HDAC4: variants seen among roughly 807,000 people sequenced by gnomAD.
The protein encoded by HDAC4 is histone deacetylase A.
A neutral mutation model predicts 135.1 loss-of-function variants in HDAC4; 16 were observed. The observed-to-expected ratio is 0.12, with a 90% CI of 0.08 to 0.18. HDAC4 has a LOEUF of 0.18. HDAC4 is among the 10% of genes least tolerant of loss of function. The pLI is 1.00. For synonymous variants in HDAC4, 685 were observed against 653.4 expected (o/e 1.05, Z -0.74); for missense variants, 1,143 against 1,511.8 (o/e 0.76, Z 4.05).
At chr2:239,346,454 T>C (rs1428047398) in intron 2 of HDAC4, among the ~76,000 whole-genome samples, 5 of 146,970 alleles carry the variant, frequency 3.4e-5, no homozygotes, top group African/African-American at 1.3e-4. Context: ...ATACATACCT[T>C]AACACACATC....
intron 24 of HDAC4, among the ~76,000 whole-genome samples, chr2:239,061,054 A>G (rs143909920): frequency 3.0e-4 from 45 of 152,402 alleles, no homozygotes; most frequent in African/African-American, 9.1e-4. Flanking sequence ...CAAGCGGGAC[A>G]CACGACGTGG....
At chr2:239,357,580 C>T (rs1693576330) in intron 1 of HDAC4, among the ~76,000 whole-genome samples, 1 of 151,516 alleles carries the variant, frequency 6.6e-6, no homozygotes, top group Admixed American at 6.6e-5. Context: ...CAAAGATTAA[C>T]AATATCGAGA....
chr2:239,168,657 A>T (rs1294857553), intron 5 of HDAC4, among the ~76,000 whole-genome samples: 1 of 152,110 alleles, frequency 6.6e-6, no homozygotes, highest in African/African-American at 2.4e-5. Flanking sequence ...CCGGCCCGCC[A>T]CTGCTCCTCC....
intron 1 of HDAC4, among the ~76,000 whole-genome samples, chr2:239,397,717 A>C (rs1243254022): frequency 6.6e-6 from 1 of 152,194 alleles, no homozygotes; most frequent in Non-Finnish European, 1.5e-5. Context: ...AAGAAAACTG[A>C]CCGTATGAAG....
intron 3 of HDAC4, among the ~76,000 whole-genome samples, chr2:239,223,925 G>A (rs369658599): frequency 1.3e-5 from 2 of 151,226 alleles, no homozygotes; most frequent in Non-Finnish European, 2.9e-5. Context: ...TCCACTGCCC[G>A]GGAGAGTTCA....
At chr2:239,090,192 C>G in intron 17 of HDAC4, 76 bp from the exon 18 acceptor site, 2 of 1,084,354 alleles carry the variant, frequency 1.8e-6, no homozygotes, top group Non-Finnish European at 1.4e-6. Flanking sequence ...GGCAGAGCAG[C>G]TCAGGTTCCG....
intron 2 of HDAC4, among the ~76,000 whole-genome samples, chr2:239,347,992 C>T (rs10179405): frequency 0.08 from 11,237 of 140,474 alleles, 1,249 homozygotes; most frequent in East Asian, 0.39. Context: ...TGCTTCCTAT[C>T]GAGAGCATCA....
intron 8 of HDAC4, among the ~76,000 whole-genome samples, chr2:239,143,206 C>T (rs1173022835): frequency 1.3e-5 from 2 of 152,076 alleles, no homozygotes; most frequent in Non-Finnish European, 2.9e-5. Context: ...GGAACACCAG[C>T]TTTAACACTC....
intron 2 of HDAC4, among the ~76,000 whole-genome samples, chr2:239,338,328 G>A (rs1692082107): frequency 6.6e-6 from 1 of 152,098 alleles, no homozygotes; most frequent in African/African-American, 2.4e-5. Context: ...TGGGGCAGCG[G>A]CAGCCTCTAC....
chr2:239,390,947 A>G (rs1219763521), intron 1 of HDAC4, among the ~76,000 whole-genome samples: 3 of 152,082 alleles, frequency 2.0e-5, no homozygotes, highest in Non-Finnish European at 4.4e-5. Context: ...GGCAGCCTGG[A>G]TTTACGCACA....
At chr2:239,117,725 G>A (rs1219747297) in intron 12 of HDAC4, among the ~76,000 whole-genome samples, 1 of 152,146 alleles carries the variant, frequency 6.6e-6, no homozygotes, top group Non-Finnish European at 1.5e-5. Context: ...CCCAGATCGA[G>A]GGGTCTCTCC....
intron 15 of HDAC4, among the ~76,000 whole-genome samples, chr2:239,107,080 C>T (rs139629836): frequency 6.6e-6 from 1 of 152,324 alleles, no homozygotes; most frequent in Non-Finnish European, 1.5e-5. Flanking sequence ...TCACCAGCTC[C>T]CAGACGGGAG....
At chr2:239,151,753 C>A (rs780784833) in intron 7 of HDAC4, among the ~76,000 whole-genome samples, 1 of 152,220 alleles carries the variant, frequency 6.6e-6, no homozygotes, top group African/African-American at 2.4e-5. Context: ...TCTCACCAAA[C>A]GTGAGCTCTG....
At chr2:239,257,850 A>G (rs1007263558) in intron 2 of HDAC4, among the ~76,000 whole-genome samples, 7 of 152,226 alleles carry the variant, frequency 4.6e-5, no homozygotes, top group African/African-American at 1.7e-4. Flanking sequence ...CCCAACAAAA[A>G]AAACCCAACA....
chr2:239,125,932 G>A (rs1432895521), intron 12 of HDAC4, among the ~76,000 whole-genome samples: 4 of 152,238 alleles, frequency 2.6e-5, no homozygotes, highest in East Asian at 1.9e-4. Flanking sequence ...CGGGCCCCCC[G>A]GCCCTGTACG....
Position 239,282,260 on chromosome 2 carries a change from A to C in HDAC4, c.23-45596T>G, listed in dbSNP as rs141867328. 7.8e-4 allele frequency among the ~76,000 whole-genome samples: 65 copies of C among 83,396 alleles called. 1 individual carries two copies. Among genetic ancestry groups the C allele is most frequent in the African/African-American group, 2.3e-3 (39 of 16,672 alleles). 54.7% of individuals were successfully genotyped at this position (83,396 alleles called of 152,430 possible). ...CACTCTACAATGTACACACCACTCTACACACAATGTACACACCACTCTACA... is the reference window on the plus strand; with the variant it reads ...CACTCTACAATGTACACACCACTCTCCACACAATGTACACACCACTCTACA... On this transcript the variant is annotated intron_variant, in intron 2 of 26. Coordinates refer to ENST00000543185, the MANE Select transcript of HDAC4 (RefSeq NM_001378414.1).
chr2:239,157,310 C>T (rs558745935), intron 6 of HDAC4, among the ~76,000 whole-genome samples: 2 of 151,586 alleles, frequency 1.3e-5, no homozygotes, highest in East Asian at 2.2e-4. Flanking sequence ...AGGCACCCAT[C>T]GTCATCCGTG....
At chr2:239,300,015 A>G (rs115839234) in intron 2 of HDAC4, among the ~76,000 whole-genome samples, 3,263 of 152,282 alleles carry the variant, frequency 0.021, 117 homozygotes, top group African/African-American at 0.074. Context: ...CTTTCAATCC[A>G]TGCCACTGAG....
rs1328608196 is a variant in HDAC4 at position 239,080,842 on chromosome 2, C to T, written c.2750+253G>A. On this transcript the variant is annotated intron_variant, in intron 22 of 26. Coordinates refer to ENST00000543185, the MANE Select transcript of HDAC4 (RefSeq NM_001378414.1). ...GCCTCTGTCTCCATCACTCTCTCAC[C>T]ATCGACCCAAAGTGAGCTCCTGGTT... 14 of 559,908 alleles carry T rather than the reference C, an allele frequency of 2.5e-5. No homozygotes were observed. The East Asian group carries it at 4.1e-4, about 16-fold the overall frequency. 34.7% of individuals were successfully genotyped at this position (559,908 alleles called of 1,614,324 possible).
Sources: gnomAD v4.1 joint callset for allele counts (sites outside exome capture counted in the v4.1 genomes callset) on GRCh38, gnomAD v4.1.1 for gene constraint, MANE v1.5 for transcripts, NCBI Gene and HGNC (gene_info 2026-07-23, HGNC 2026-07-21) for gene names.